Variants in ADGRL3 observed in about 807,000 individuals in gnomAD.
The protein encoded by ADGRL3 is calcium-independent alpha-latrotoxin receptor 3.
In ADGRL3, 62 loss-of-function variants were observed where a neutral mutation model predicts 153.5. That is an observed-to-expected ratio of 0.40 (90% CI 0.33 to 0.50). The LOEUF is 0.50. ADGRL3 is among the 20% of genes least tolerant of loss of function. The pLI is 0.47. For missense variants in ADGRL3, 1,641 were observed against 1,859.4 expected, an observed-to-expected ratio of 0.88 and a Z score of 2.16; for synonymous variants, 710 against 672.5, an observed-to-expected ratio of 1.06 and a Z score of -0.86.
At chr4:61,391,277 C>A (rs2096798690) in intron 2 of ADGRL3, among the ~76,000 whole-genome samples, 2 of 151,964 alleles carry the variant, frequency 1.3e-5, no homozygotes, top group South Asian at 4.2e-4. Flanking sequence ...TAGCTCATGG[C>A]CAGAGAGAAA....
rs566041625 is a variant in ADGRL3, at chr4:61,372,649, G to C, written c.-239-10475G>C. On this transcript the variant is annotated intron_variant, in intron 1 of 26. Transcript: ENST00000683033. ...CTCTTCAAAGCTGTCAGACAAGGAC[G>C]TTTAAGTCTGCAGAGGTTACTGCTG... is the stretch of plus-strand genomic sequence containing the variant. Among the ~76,000 whole-genome samples, 541 of 152,276 alleles carry C rather than the reference G, an allele frequency of 3.6e-3. 2 individuals are homozygous for C. Among genetic ancestry groups the C allele is most frequent in the African/African-American group, 0.013 (520 of 41,570 alleles).
chr4:61,600,381 A>T (rs1382768830), intron 5 of ADGRL3, among the ~76,000 whole-genome samples: 1 of 150,894 alleles, frequency 6.6e-6, no homozygotes, highest in Non-Finnish European at 1.5e-5. Context: ...TTTAAGAAAA[A>T]GTTGTCTCCT....
intron 1 of ADGRL3, among the ~76,000 whole-genome samples, chr4:61,267,611 T>C (rs1489921515): frequency 6.6e-6 from 1 of 151,632 alleles, no homozygotes; most frequent in East Asian, 1.9e-4. Flanking sequence ...GTATGATTAA[T>C]AGGGATGGCT....
intron 1 of ADGRL3, among the ~76,000 whole-genome samples, chr4:61,367,790 C>T (rs1169219296): frequency 1.8e-5 from 2 of 114,220 alleles, no homozygotes; most frequent in African/African-American, 3.3e-5. Flanking sequence ...ATTTCTAGTT[C>T]TAGATCCCTG....
intron 11 of ADGRL3, among the ~76,000 whole-genome samples, chr4:61,908,470 G>A (rs765770080): frequency 1.4e-4 from 22 of 151,948 alleles, no homozygotes; most frequent in Middle Eastern, 3.4e-3. Flanking sequence ...GGTGGCGGGC[G>A]CCTGTAATCC....
intron 5 of ADGRL3, among the ~76,000 whole-genome samples, chr4:61,661,683 A>T (rs1218006422): frequency 2.0e-5 from 3 of 152,176 alleles, no homozygotes; most frequent in Non-Finnish European, 4.4e-5. Context: ...CATAAAGTAG[A>T]GATCATGTAT....
At chr4:61,708,061 A>G (rs1040626884) in intron 6 of ADGRL3, among the ~76,000 whole-genome samples, 1 of 152,108 alleles carries the variant, frequency 6.6e-6, no homozygotes, top group African/African-American at 2.4e-5. Flanking sequence ...CCCTTCTGAG[A>G]TTCAAGTTTT....
intron 19 of ADGRL3, among the ~76,000 whole-genome samples, chr4:61,990,027 T>G (rs917884138): frequency 6.6e-6 from 1 of 152,026 alleles, no homozygotes; most frequent in Non-Finnish European, 1.5e-5. Context: ...GATCCAGCAA[T>G]TCTACTCCTA....
intron 5 of ADGRL3, among the ~76,000 whole-genome samples, chr4:61,590,187 G>C (rs2098963748): frequency 1.3e-5 from 2 of 151,924 alleles, no homozygotes; most frequent in Admixed American, 6.6e-5. Flanking sequence ...TTATCATACA[G>C]CTGCCTTGTC....
chr4:61,385,494 C>T (rs1235326385), intron 2 of ADGRL3: 1 of 152,178 alleles, frequency 6.6e-6, no homozygotes, highest in Admixed American at 6.6e-5. Flanking sequence ...ATAACCTCAC[C>T]TTCCCTGTCA....
At chr4:61,995,429 G>T (rs1053099918) in intron 19 of ADGRL3, among the ~76,000 whole-genome samples, 1 of 151,974 alleles carries the variant, frequency 6.6e-6, no homozygotes, top group Non-Finnish European at 1.5e-5. Context: ...GGATTTCCAT[G>T]TTTATATTAT....
intron 1 of ADGRL3, among the ~76,000 whole-genome samples, chr4:61,220,993 C>T (rs1745216624): frequency 6.6e-6 from 1 of 152,144 alleles, no homozygotes; most frequent in Non-Finnish European, 1.5e-5. Flanking sequence ...TTCCCCAATG[C>T]ACATTTTCCC....
At chr4:61,444,837 G>C (rs998342371) in intron 2 of ADGRL3, among the ~76,000 whole-genome samples, 4 of 152,078 alleles carry the variant, frequency 2.6e-5, no homozygotes, top group Admixed American at 6.5e-5. Context: ...TGGGTCACTT[G>C]AGCTCAAGGG....
chr4:61,405,515 C>A (rs1004216838), intron 2 of ADGRL3, among the ~76,000 whole-genome samples: 1 of 151,862 alleles, frequency 6.6e-6, no homozygotes, highest in African/African-American at 2.4e-5. Flanking sequence ...TAAGAACTGT[C>A]CATTAAGCCT....
chr4:61,971,365 T>G (rs2099026882), intron 17 of ADGRL3, among the ~76,000 whole-genome samples: 1 of 152,084 alleles, frequency 6.6e-6, no homozygotes, highest in African/African-American at 2.4e-5. Flanking sequence ...TGTCCATGTG[T>G]TCTCATTGTT....
intron 8 of ADGRL3, among the ~76,000 whole-genome samples, chr4:61,738,909 T>C (rs985265592): frequency 2.6e-5 from 4 of 152,328 alleles, no homozygotes; most frequent in Non-Finnish European, 4.4e-5. Context: ...AATCGTTAAT[T>C]GGCCAGTTTT....
At chr4:61,339,507 GACTGT>G (rs1189393840) in intron 1 of ADGRL3, among the ~76,000 whole-genome samples, 1 of 152,146 alleles carries the variant, frequency 6.6e-6, no homozygotes, top group Non-Finnish European at 1.5e-5. Context: ...TCCAGGAATG[GACTGT>G]ACTTGCAAAT....
intron 25 of ADGRL3, among the ~76,000 whole-genome samples, chr4:62,048,652 G>A (rs544886612): frequency 9.2e-5 from 14 of 152,164 alleles, no homozygotes; most frequent in South Asian, 6.2e-4. Flanking sequence ...AAACTCCTGG[G>A]CTCAAGTGAT....
chr4:61,785,688 C>A (rs917319795), intron 8 of ADGRL3, among the ~76,000 whole-genome samples: 1 of 152,162 alleles, frequency 6.6e-6, no homozygotes, highest in Admixed American at 6.6e-5. Flanking sequence ...AATAAAAGCT[C>A]ATCAATGCAG....
Sources: gnomAD v4.1 joint callset for allele counts (sites outside exome capture counted in the v4.1 genomes callset) on GRCh38, gnomAD v4.1.1 for gene constraint, MANE v1.5 for transcripts, NCBI Gene and HGNC (gene_info 2026-07-23, HGNC 2026-07-21) for gene names.